VAV3: variants seen among roughly 807,000 people sequenced by gnomAD.
VAV3 encodes guanine nucleotide exchange factor VAV3.
A neutral mutation model predicts 131.2 loss-of-function variants in VAV3; 94 were observed. That is an observed-to-expected ratio of 0.72 (90% CI 0.61 to 0.85). VAV3 has a LOEUF of 0.85. VAV3 is among the 40% of genes least tolerant of loss of function. The probability of loss-of-function intolerance (pLI) is 0.00; values close to 1 mark genes in which losing one functional copy is unlikely to be tolerated. For synonymous variants in VAV3, 349 were observed against 342.0 expected, an observed-to-expected ratio of 1.02 and a Z score of -0.22; for missense variants, 939 against 1,002.7, an observed-to-expected ratio of 0.94 and a Z score of 0.86.
In VAV3 at chr1:107,765,068, A is replaced by G; in HGVS notation, c.921+8T>C. 1 of 1,599,736 alleles carries G rather than the reference A, an allele frequency of 6.3e-7. No homozygotes were observed. The highest frequency in any genetic ancestry group is 8.6e-7 in the Non-Finnish European group (1 of 1,168,250). ...GCTTTATGTCATAAACTAAAAATAA[A>G]TAGGCACCTCTAATTTCAGTTTGAC... On this transcript the variant is annotated splice_region_variant and intron_variant, in intron 9 of 26. Transcript: ENST00000370056.
chr1:107,619,325 G>A (rs912107781), intron 20 of VAV3, among the ~76,000 whole-genome samples: 2 of 152,194 alleles, frequency 1.3e-5, no homozygotes, highest in African/African-American at 2.4e-5. Context: ...TCAGGAGAGA[G>A]AGGAATCAGA....
At chr1:107,906,449 G>T (rs1672111713) in intron 1 of VAV3, among the ~76,000 whole-genome samples, 1 of 152,102 alleles carries the variant, frequency 6.6e-6, no homozygotes, top group Admixed American at 6.6e-5. Context: ...CGGATCATGA[G>T]GTCAGGAGAT....
chr1:107,704,907 T>A (rs1660348404), intron 16 of VAV3, 53 bp downstream of exon 16: 4 of 1,534,714 alleles, frequency 2.6e-6, no homozygotes, highest in Non-Finnish European at 2.7e-6. Flanking sequence ...TCTGAAACAC[T>A]TAGCAATTAT....
At chr1:107,930,125 C>T (rs566419628) in intron 1 of VAV3, among the ~76,000 whole-genome samples, 1 of 152,058 alleles carries the variant, frequency 6.6e-6, no homozygotes, top group East Asian at 1.9e-4. Context: ...TTTGCAAGCA[C>T]AACAGGGTGA....
intron 19 of VAV3, among the ~76,000 whole-genome samples, chr1:107,660,205 G>A (rs571249728): frequency 1.3e-5 from 2 of 152,246 alleles, no homozygotes; most frequent in East Asian, 1.9e-4. Flanking sequence ...GCTCAGAAAG[G>A]GAGATTCCTT....
At chr1:107,637,257 T>G (rs1321133347) in intron 20 of VAV3, among the ~76,000 whole-genome samples, 1 of 151,920 alleles carries the variant, frequency 6.6e-6, no homozygotes, top group Non-Finnish European at 1.5e-5. Flanking sequence ...AAAACCACAA[T>G]CTACCAAACT....
chr1:107,881,744 C>T (rs1670792701), intron 1 of VAV3, among the ~76,000 whole-genome samples: 1 of 152,164 alleles, frequency 6.6e-6, no homozygotes, highest in Non-Finnish European at 1.5e-5. Context: ...AATTATAAAT[C>T]AGGCCAAAGC....
intron 1 of VAV3, among the ~76,000 whole-genome samples, chr1:107,939,611 A>G (rs1417193956): frequency 2.6e-5 from 4 of 152,100 alleles, no homozygotes; most frequent in Non-Finnish European, 4.4e-5. Flanking sequence ...CTTGACTTAC[A>G]ATGCTTTTAA....
intron 26 of VAV3, among the ~76,000 whole-genome samples, chr1:107,573,579 T>C (rs1649400784): frequency 6.6e-6 from 1 of 152,190 alleles, no homozygotes; most frequent in Non-Finnish European, 1.5e-5. Context: ...AGTGTTCTAA[T>C]CCACTAGCAC....
chr1:107,632,384 C>T (rs1439260438), intron 20 of VAV3, among the ~76,000 whole-genome samples: 1 of 152,158 alleles, frequency 6.6e-6, no homozygotes, highest in African/African-American at 2.4e-5. Context: ...TAGCCCCACT[C>T]AGGTAATACA....
At chr1:107,726,130 G>GA (rs982617769) in intron 15 of VAV3, among the ~76,000 whole-genome samples, 15 of 152,092 alleles carry the variant, frequency 9.9e-5, no homozygotes, top group African/African-American at 3.4e-4. Flanking sequence ...CAGGATATTT[G>GA]AAAAAAATCA....
At chr1:107,716,440 T>C (rs576909677) in intron 15 of VAV3, among the ~76,000 whole-genome samples, 1 of 152,180 alleles carries the variant, frequency 6.6e-6, no homozygotes. Flanking sequence ...GTTTTTAGCA[T>C]GAAGCGCTGT....
chr1:107,671,906 C>T (rs1207377711), intron 19 of VAV3, among the ~76,000 whole-genome samples: 1 of 152,088 alleles, frequency 6.6e-6, no homozygotes, highest in Non-Finnish European at 1.5e-5. Context: ...TTTTAGCAAG[C>T]TATGTGTATA....
At chr1:107,726,858 T>C (rs1033953949) in intron 15 of VAV3, among the ~76,000 whole-genome samples, 1 of 152,252 alleles carries the variant, frequency 6.6e-6, no homozygotes, top group Non-Finnish European at 1.5e-5. Context: ...GTTTAAAGCA[T>C]GTCATCACCT....
At chr1:107,657,658 C>T (rs1487423986) in intron 19 of VAV3, among the ~76,000 whole-genome samples, 1 of 152,134 alleles carries the variant, frequency 6.6e-6, no homozygotes, top group Non-Finnish European at 1.5e-5. Flanking sequence ...TGAAGTTCCA[C>T]ACAGCTACCA....
chr1:107,767,711 G>A lies in VAV3; in HGVS notation c.717+730C>T, dbSNP rs1280436200. On this transcript the variant is annotated intron_variant, in intron 7 of 26. Coordinates refer to ENST00000370056, the MANE Select transcript of VAV3 (RefSeq NM_006113.5). Reference sequence around the variant, plus strand: ...CATTTATCAGTGTATGTGTACATGCGTGCATGGGGGTGGGGATGTATAAAC... The same window carrying A: ...CATTTATCAGTGTATGTGTACATGCATGCATGGGGGTGGGGATGTATAAAC... 5.9e-5 allele frequency among the ~76,000 whole-genome samples: 9 copies of A among 152,268 alleles called. 1 individual carries two copies. The highest frequency in any genetic ancestry group is 6.8e-3 in the Middle Eastern group (2 of 294).
intron 21 of VAV3, among the ~76,000 whole-genome samples, chr1:107,612,539 C>A (rs1043839844): frequency 3.3e-5 from 5 of 152,056 alleles, no homozygotes; most frequent in African/African-American, 1.2e-4. Context: ...CTTTTAAAAT[C>A]TTTTCCTAAG....
intron 21 of VAV3, among the ~76,000 whole-genome samples, chr1:107,612,837 T>G (rs1333066004): frequency 6.6e-6 from 1 of 152,104 alleles, no homozygotes; most frequent in Non-Finnish European, 1.5e-5. Flanking sequence ...CTCCATAATC[T>G]GGTTCTTTAA....
chr1:107,668,676 G>C (rs1406193871), intron 19 of VAV3: 1 of 985,208 alleles, frequency 1.0e-6, no homozygotes, highest in Non-Finnish European at 1.2e-6. Context: ...CTACAGGCGT[G>C]GTCCCAGGAA....
Sources: allele counts gnomAD v4.1 joint callset (sites outside exome capture counted in the v4.1 genomes callset), GRCh38; gene constraint gnomAD v4.1.1; transcripts MANE v1.5; gene names NCBI Gene and HGNC (gene_info 2026-07-23, HGNC 2026-07-21).